The following EVI5 variants were observed in gnomAD, a reference collection of about 807,000 sequenced individuals.
The protein encoded by EVI5 is ecotropic viral integration site 5 protein homolog.
A neutral mutation model predicts 112.0 loss-of-function variants in EVI5; 73 were observed. That is an observed-to-expected ratio of 0.65 (90% CI 0.54 to 0.79). EVI5 has a LOEUF of 0.79. EVI5 is among the 30% of genes least tolerant of loss of function. The probability of loss-of-function intolerance (pLI) is 0.00; values close to 1 mark genes in which losing one functional copy is unlikely to be tolerated. For missense variants in EVI5, 900 were observed against 968.8 expected, an observed-to-expected ratio of 0.93 and a Z score of 0.94; for synonymous variants, 305 against 319.9, an observed-to-expected ratio of 0.95 and a Z score of 0.50.
chr1:92,790,810 C>A (rs1451938063), intron 1 of EVI5, among the ~76,000 whole-genome samples: 3 of 148,680 alleles, frequency 2.0e-5, no homozygotes, highest in African/African-American at 7.5e-5. Flanking sequence ...GGCAACAGAG[C>A]AAGATCCTGT....
At chr1:92,642,344 C>T (rs545017181) in intron 13 of EVI5, among the ~76,000 whole-genome samples, 1 of 152,096 alleles carries the variant, frequency 6.6e-6, no homozygotes, top group South Asian at 2.1e-4. Context: ...TAATCACATA[C>T]GAATGTAAAA....
chr1:92,748,437 G>C (rs941428811), intron 1 of EVI5, among the ~76,000 whole-genome samples: 1 of 152,200 alleles, frequency 6.6e-6, no homozygotes, highest in Admixed American at 6.5e-5. Context: ...ACGTGAAGCA[G>C]AGACAAGTCC....
chr1:92,759,761 A>G (rs763199775), intron 1 of EVI5, among the ~76,000 whole-genome samples: 4 of 152,136 alleles, frequency 2.6e-5, no homozygotes, highest in Non-Finnish European at 5.9e-5. Flanking sequence ...TTTACTTAGC[A>G]TAATGTTTTC....
chr1:92,622,331 A>G (rs1654776013), intron 16 of EVI5: 1 of 450,030 alleles, frequency 2.2e-6, no homozygotes, highest in African/African-American at 2.0e-5. Flanking sequence ...AGGGGTCCAC[A>G]GGTTCCAGAC....
At chr1:92,725,745 GC>G (rs1675474605) in intron 2 of EVI5, among the ~76,000 whole-genome samples, 1 of 150,232 alleles carries the variant, frequency 6.7e-6, no homozygotes. Flanking sequence ...AATCGGGCAT[GC>G]AAAGCAGAAG....
At chr1:92,735,027 C>T (rs188776899) in intron 2 of EVI5, among the ~76,000 whole-genome samples, 99 of 152,190 alleles carry the variant, frequency 6.5e-4, no homozygotes, top group Non-Finnish European at 6.6e-4. Context: ...ACACTGCTGG[C>T]GGGATATCAA....
chr1:92,724,650 G>C (rs1012365381), intron 2 of EVI5, among the ~76,000 whole-genome samples: 1 of 151,778 alleles, frequency 6.6e-6, no homozygotes, highest in African/African-American at 2.4e-5. Flanking sequence ...TCTATAAAAA[G>C]TACAAAAATT....
chr1:92,576,826 G>GTC (rs1437817887), intron 18 of EVI5, among the ~76,000 whole-genome samples: 1 of 152,156 alleles, frequency 6.6e-6, no homozygotes, highest in Non-Finnish European at 1.5e-5. Context: ...TAATGGCTGA[G>GTC]CCTCTTGTCA....
chr1:92,783,341 C>G (rs1274493639), intron 1 of EVI5, among the ~76,000 whole-genome samples: 1 of 142,484 alleles, frequency 7.0e-6, no homozygotes, highest in Non-Finnish European at 1.5e-5. Context: ...GCCTGACCAA[C>G]ACGGTGAAAC....
chr1:92,628,802 G>T (rs973160530), intron 14 of EVI5, among the ~76,000 whole-genome samples: 2 of 152,184 alleles, frequency 1.3e-5, no homozygotes, highest in Non-Finnish European at 2.9e-5. Context: ...TGCTCATAGG[G>T]ATGATGGAAT....
chr1:92,667,669 G>A (rs923341793), intron 10 of EVI5, among the ~76,000 whole-genome samples: 1 of 152,182 alleles, frequency 6.6e-6, no homozygotes, highest in African/African-American at 2.4e-5. Flanking sequence ...AGGCTGGAAT[G>A]CAGTGGTGCG....
chr1:92,705,932 C>A (rs11803097), intron 2 of EVI5, among the ~76,000 whole-genome samples: 3 of 151,934 alleles, frequency 2.0e-5, no homozygotes, highest in African/African-American at 7.2e-5. Flanking sequence ...TCTTTATATC[C>A]CTTAGAACAT....
At chr1:92,760,264 T>C (rs1421461188) in intron 1 of EVI5, among the ~76,000 whole-genome samples, 1 of 152,126 alleles carries the variant, frequency 6.6e-6, no homozygotes, top group African/African-American at 2.4e-5. Flanking sequence ...GCTGAAGATA[T>C]CAGGAGATCA....
intron 16 of EVI5, among the ~76,000 whole-genome samples, chr1:92,613,041 G>T (rs1652243723): frequency 6.6e-6 from 1 of 152,210 alleles, no homozygotes; most frequent in Admixed American, 6.5e-5. Flanking sequence ...TCAAGAAGGG[G>T]AATAGCAGTC....
At chr1:92,678,917 T>A (rs1412905348) in intron 9 of EVI5, among the ~76,000 whole-genome samples, 1 of 152,198 alleles carries the variant, frequency 6.6e-6, no homozygotes, top group African/African-American at 2.4e-5. Flanking sequence ...TTCTGTATAG[T>A]CACAGATTTG....
intron 18 of EVI5, among the ~76,000 whole-genome samples, chr1:92,564,605 AGGGATATAGATTG>A (rs1479563945): frequency 2.0e-5 from 3 of 152,130 alleles, no homozygotes; most frequent in Non-Finnish European, 4.4e-5. Context: ...ACTATTTTCT[AGGGATATAGATTG>A]GTGAAGAGAG....
chr1:92,664,861 C>T (rs1664614427), intron 11 of EVI5, among the ~76,000 whole-genome samples: 1 of 152,058 alleles, frequency 6.6e-6, no homozygotes, highest in Non-Finnish European at 1.5e-5. Flanking sequence ...AGATCCTTGG[C>T]AATATGATGA....
At chr1:92,561,608 CCTATCTATCTATCTATCTATCTAT>C (rs80355191) in intron 19 of EVI5, among the ~76,000 whole-genome samples, 32 of 132,248 alleles carry the variant, frequency 2.4e-4, no homozygotes, top group African/African-American at 8.1e-4. Context: ...TCTAATCTAT[CCTATCTATCTATCTATCTATCTAT>C]CTATCTATCT....
intron 13 of EVI5, among the ~76,000 whole-genome samples, chr1:92,648,875 C>T (rs753527741): frequency 1.8e-4 from 27 of 152,152 alleles, no homozygotes; most frequent in Non-Finnish European, 3.7e-4. Context: ...CTCTTATTTG[C>T]GGTACATACC....
Sources: gnomAD v4.1 joint callset for allele counts (sites outside exome capture counted in the v4.1 genomes callset) on GRCh38, gnomAD v4.1.1 for gene constraint, MANE v1.5 for transcripts, NCBI Gene and HGNC (gene_info 2026-07-23, HGNC 2026-07-21) for gene names.